EYS: variants seen among roughly 807,000 people sequenced by gnomAD.
EYS encodes protein eyes shut homolog.
A neutral mutation model predicts 282.1 loss-of-function variants in EYS; 250 were observed. That is an observed-to-expected ratio of 0.89 (90% CI 0.80 to 0.98). The LOEUF (loss-of-function observed/expected upper bound fraction) is 0.98, where lower values mean the gene tolerates loss of function less well. Among genes scored for constraint, EYS ranks in the 50% least tolerant of loss-of-function variants. The pLI is 0.00. For missense variants in EYS, 4,016 were observed against 3,709.0 expected (o/e 1.08, Z -2.15); for synonymous variants, 1,355 against 1,282.9 (o/e 1.06, Z -1.20).
chr6:63,779,921 C>T (rs866588573), intron 39 of EYS, among the ~76,000 whole-genome samples: 1 of 152,106 alleles, frequency 6.6e-6, no homozygotes, highest in Admixed American at 6.6e-5. Context: ...TGACAGGCCC[C>T]AGTGTGTGAT....
chr6:64,408,119 C>A (rs966195778), intron 28 of EYS, among the ~76,000 whole-genome samples: 2 of 151,636 alleles, frequency 1.3e-5, no homozygotes, highest in African/African-American at 4.9e-5. Flanking sequence ...TGCTCTAAAC[C>A]TTTGGAGAAG....
At chr6:63,862,338 A>G (rs1464369364) in intron 36 of EYS, among the ~76,000 whole-genome samples, 4 of 152,128 alleles carry the variant, frequency 2.6e-5, no homozygotes, top group South Asian at 2.1e-4. Flanking sequence ...GCTAAACTAG[A>G]TCTGGCAACT....
At chr6:65,300,292 G>C (rs1207516131) in intron 11 of EYS, among the ~76,000 whole-genome samples, 3 of 152,050 alleles carry the variant, frequency 2.0e-5, no homozygotes, top group Admixed American at 6.6e-5. Flanking sequence ...CTGTCTTCTG[G>C]TTTGGATCCT....
intron 10 of EYS, among the ~76,000 whole-genome samples, chr6:65,335,540 TC>T (rs1401515846): frequency 1.3e-5 from 2 of 151,696 alleles, no homozygotes; most frequent in Admixed American, 1.3e-4. Context: ...ACATAAACTG[TC>T]TTTGTGTCCT....
intron 29 of EYS, among the ~76,000 whole-genome samples, chr6:64,373,498 T>C (rs968144836): frequency 6.6e-6 from 1 of 152,172 alleles, no homozygotes; most frequent in Non-Finnish European, 1.5e-5. Flanking sequence ...CATGCAGAGT[T>C]TAGGTGGAAT....
chr6:64,883,640 C>T (rs1430628734), intron 19 of EYS, among the ~76,000 whole-genome samples: 2 of 151,248 alleles, frequency 1.3e-5, no homozygotes, highest in Non-Finnish European at 3.0e-5. Flanking sequence ...TTCATCTTTC[C>T]TATATTTAAA....
chr6:64,007,695 C>G (rs1242645157), intron 33 of EYS, among the ~76,000 whole-genome samples: 1 of 152,048 alleles, frequency 6.6e-6, no homozygotes, highest in Non-Finnish European at 1.5e-5. Context: ...TATCTTTATT[C>G]ATATTATTTT....
intron 5 of EYS, among the ~76,000 whole-genome samples, chr6:65,456,215 A>C (rs1764608041): frequency 6.6e-6 from 1 of 151,964 alleles, no homozygotes; most frequent in Non-Finnish European, 1.5e-5. Flanking sequence ...CACTTTGGGA[A>C]GCTGAGGCAG....
chr6:63,743,837 A>G (rs143480268), intron 41 of EYS, among the ~76,000 whole-genome samples: 1 of 152,326 alleles, frequency 6.6e-6, no homozygotes, highest in African/African-American at 2.4e-5. Context: ...GCCAAAAACA[A>G]CCAACCAAAC....
chr6:65,612,856 CCTTTT>C (rs1359198415), intron 2 of EYS, among the ~76,000 whole-genome samples: 3 of 151,398 alleles, frequency 2.0e-5, no homozygotes, highest in Non-Finnish European at 4.4e-5. Context: ...TATTTTCCCT[CCTTTT>C]AAGTATTTTG....
intron 2 of EYS, among the ~76,000 whole-genome samples, chr6:65,512,011 A>T (rs1766892709): frequency 6.7e-6 from 1 of 149,820 alleles, no homozygotes; most frequent in Admixed American, 6.7e-5. Context: ...AAAAAAAAGA[A>T]ATCACCTAAA....
intron 22 of EYS, among the ~76,000 whole-genome samples, chr6:64,760,042 C>T (rs181350711): frequency 5.9e-5 from 9 of 152,290 alleles, no homozygotes; most frequent in Admixed American, 3.9e-4. Flanking sequence ...TCTGTACTGT[C>T]ATTAAAGGTA....
At chr6:65,642,038 T>A (rs1280497548) in intron 1 of EYS, among the ~76,000 whole-genome samples, 1 of 152,092 alleles carries the variant, frequency 6.6e-6, no homozygotes, top group Non-Finnish European at 1.5e-5. Context: ...GTAAAGTCCT[T>A]ATAAAAAATA....
chr6:64,315,084 A>G (rs550178641), intron 29 of EYS, among the ~76,000 whole-genome samples: 1 of 152,314 alleles, frequency 6.6e-6, no homozygotes, highest in South Asian at 2.1e-4. Flanking sequence ...AAAAAATGAT[A>G]AAGGGGATAT....
Position 63,825,244 on chromosome 6 carries a change from CA to C in EYS, c.7229-18873del, listed in dbSNP as rs1290577003. On this transcript the variant is annotated intron_variant, in intron 36 of 42. Coordinates refer to ENST00000503581, the MANE Select transcript of EYS (RefSeq NM_001142800.2). ...CCCCCATCCTCCACAGCAGCCACAG[CA>C]AAACCTATACAAGGAGACTCTGAGC... Among the ~76,000 whole-genome samples, 5 of 152,312 alleles carry C rather than the reference CA, an allele frequency of 3.3e-5. No homozygotes were observed. The South Asian group carries it at 8.3e-4, about 25-fold the overall frequency.
chr6:65,387,155 A>G (rs929344815), intron 7 of EYS, among the ~76,000 whole-genome samples: 26 of 151,946 alleles, frequency 1.7e-4, no homozygotes, highest in Non-Finnish European at 3.4e-4. Flanking sequence ...GCCAACATTC[A>G]TTAGTTAATT....
At chr6:63,998,110 T>C (rs548277232) in intron 34 of EYS, among the ~76,000 whole-genome samples, 2 of 152,244 alleles carry the variant, frequency 1.3e-5, no homozygotes, top group East Asian at 1.9e-4. Context: ...GTACAGTGCA[T>C]TATAAAGGGA....
intron 12 of EYS, among the ~76,000 whole-genome samples, chr6:65,236,262 T>C (rs938564364): frequency 1.3e-5 from 2 of 152,100 alleles, no homozygotes; most frequent in Non-Finnish European, 2.9e-5. Flanking sequence ...GGAATACATT[T>C]CTTAGGCTTA....
intron 30 of EYS, among the ~76,000 whole-genome samples, chr6:64,245,136 G>A (rs747588983): frequency 3.3e-5 from 5 of 151,970 alleles, no homozygotes; most frequent in Admixed American, 6.5e-5. Context: ...CTTCACAATA[G>A]CAAAGACTTG....
Sources: allele counts gnomAD v4.1 joint callset (sites outside exome capture counted in the v4.1 genomes callset), GRCh38; gene constraint gnomAD v4.1.1; transcripts MANE v1.5; gene names NCBI Gene and HGNC (gene_info 2026-07-23, HGNC 2026-07-21).